The following TMCO4 variants were observed in gnomAD, a reference collection of about 807,000 sequenced individuals.
TMCO4 encodes transmembrane and coiled-coil domains 4.
A neutral mutation model predicts 64.7 loss-of-function variants in TMCO4; 58 were observed. The ratio of observed to expected loss-of-function variants is 0.90; its 90% CI spans 0.73 to 1.12. The LOEUF is 1.12. Among genes scored for constraint, TMCO4 ranks in the 50% most tolerant of loss-of-function variants. The probability of loss-of-function intolerance (pLI) is 0.00; values close to 1 mark genes in which losing one functional copy is unlikely to be tolerated. For missense variants in TMCO4, 780 were observed against 825.9 expected (o/e 0.94, Z 0.68); for synonymous variants, 325 against 346.1 (o/e 0.94, Z 0.68).
chr1:19,781,847 T>C (rs148504288), intron 3 of TMCO4, among the ~76,000 whole-genome samples: 3,785 of 152,128 alleles, frequency 0.025, 73 homozygotes, highest in Admixed American at 0.049. Context: ...GGGGTTTCAC[T>C]GTGTTAGCCA....
intron 14 of TMCO4, among the ~76,000 whole-genome samples, chr1:19,696,278 G>A (rs1297750399): frequency 1.2e-4 from 19 of 152,188 alleles, no homozygotes; most frequent in Admixed American, 6.5e-4. Context: ...TGCAGGGCGC[G>A]GTGGCTCACG....
Position 19,687,302 on chromosome 1 carries a change from G to T in TMCO4, c.1501-3858C>A, listed in dbSNP as rs1235975715. Among the ~76,000 whole-genome samples, 4 of 152,176 alleles carry T rather than the reference G, an allele frequency of 2.6e-5. No individual in the cohort carries two copies. In the East Asian group the frequency reaches 7.7e-4, roughly 29 times the overall value. ...GGGACTTCTTATGTTCTCCAGGCTGGTCTCAAACTCCTGGGCTCAAGAGAT... is the reference window on the plus strand; with the variant it reads ...GGGACTTCTTATGTTCTCCAGGCTGTTCTCAAACTCCTGGGCTCAAGAGAT... On this transcript the variant is annotated intron_variant, in intron 15 of 15. Coordinates refer to ENST00000294543, the MANE Select transcript of TMCO4 (RefSeq NM_181719.7).
Position 19,682,612 on chromosome 1 carries a change from C to T in TMCO4, c.*428G>A, listed in dbSNP as rs768647499. ...CAGCCCTGGAGTGTGGATGGAAGAACAGGCATGCACCTGGTTTTATTGAGG... is the reference window on the plus strand; with the variant it reads ...CAGCCCTGGAGTGTGGATGGAAGAATAGGCATGCACCTGGTTTTATTGAGG... On this transcript the variant is annotated 3_prime_UTR_variant, in exon 16 of 16. Transcript: ENST00000294543. 9 of 717,518 alleles carry T rather than the reference C, an allele frequency of 1.3e-5. No homozygotes were observed. The highest frequency in any genetic ancestry group is 1.8e-5 in the Non-Finnish European group (7 of 385,078). 44.4% of individuals were successfully genotyped at this position (717,518 alleles called of 1,614,324 possible).
rs1421454526 is a variant in TMCO4 at position 19,683,189 on chromosome 1, C to T, written c.1756G>A (p.Val586Ile). 1 of 1,614,274 alleles carries T rather than the reference C, an allele frequency of 6.2e-7. No homozygotes were observed. Among genetic ancestry groups the T allele is most frequent in the Non-Finnish European group, 8.5e-7 (1 of 1,180,052 alleles). Residue 586 changes from valine (V) to isoleucine (I), a missense_variant, in exon 16 of 16, where the codon GTA (valine) becomes ATA (isoleucine). Val to Ile is a conservative substitution (Grantham distance 29). Coordinates refer to ENST00000294543, the MANE Select transcript of TMCO4 (RefSeq NM_181719.7). ...STDPSQAQVP[V>I]GLDQSEGASL... ...GCCCCTTCAGACTGGTCCAGCCCTA[C>T]TGGCACCTGGGCTTGGCTGGGGTCT...
intron 6 of TMCO4, among the ~76,000 whole-genome samples, chr1:19,759,896 T>C (rs1226955680): frequency 6.6e-6 from 1 of 152,198 alleles, no homozygotes; most frequent in Non-Finnish European, 1.5e-5. Flanking sequence ...AGTTAGTAGG[T>C]GCATAGTTAA....
intron 12 of TMCO4, 118 bp downstream of exon 12, chr1:19,739,706 C>G (rs909437127): frequency 1.9e-5 from 28 of 1,467,494 alleles, no homozygotes; most frequent in African/African-American, 4.2e-5. Context: ...GCCCACACCC[C>G]CAAAACCATT....
At chr1:19,708,109 T>G (rs1198484840) in intron 13 of TMCO4, among the ~76,000 whole-genome samples, 1 of 152,102 alleles carries the variant, frequency 6.6e-6, no homozygotes, top group African/African-American at 2.4e-5. Context: ...ACAATTCTAC[T>G]CTGGGGGTTT....
intron 2 of TMCO4, among the ~76,000 whole-genome samples, chr1:19,793,616 G>A (rs1169355203): frequency 2.0e-5 from 3 of 152,188 alleles, no homozygotes; most frequent in South Asian, 2.1e-4. Context: ...CAGTTCCAAC[G>A]TAGAAGAACC....
At chr1:19,720,070 C>A (rs1423809241) in intron 13 of TMCO4, among the ~76,000 whole-genome samples, 1 of 142,042 alleles carries the variant, frequency 7.0e-6, no homozygotes, top group African/African-American at 2.6e-5. Flanking sequence ...GTCTTAAACT[C>A]CTAGGCTCAA....
At chr1:19,746,855 C>T (rs1432255570) in intron 8 of TMCO4, among the ~76,000 whole-genome samples, 3 of 139,810 alleles carry the variant, frequency 2.1e-5, no homozygotes, top group South Asian at 2.3e-4. Flanking sequence ...ACCTCGGAGG[C>T]GGAGCTTGCA....
chr1:19,757,452 G>A (rs2042316690), intron 6 of TMCO4, among the ~76,000 whole-genome samples: 1 of 152,024 alleles, frequency 6.6e-6, no homozygotes, highest in Admixed American at 6.6e-5. Context: ...GGCCTATCTG[G>A]AAAGCCCAGG....
At chr1:19,696,267 T>C (rs2095236215) in intron 14 of TMCO4, among the ~76,000 whole-genome samples, 1 of 152,180 alleles carries the variant, frequency 6.6e-6, no homozygotes, top group Non-Finnish European at 1.5e-5. Context: ...GAATGGACGG[T>C]TGCAGGGCGC....
chr1:19,762,730 CG>C (rs1463930632), intron 6 of TMCO4, among the ~76,000 whole-genome samples: 2 of 152,172 alleles, frequency 1.3e-5, no homozygotes, highest in Non-Finnish European at 2.9e-5. Context: ...AAATCAGGAG[CG>C]GGGGGCAGGA....
chr1:19,719,162 G>A (rs977446791), intron 13 of TMCO4, among the ~76,000 whole-genome samples: 2 of 152,178 alleles, frequency 1.3e-5, no homozygotes, highest in Non-Finnish European at 2.9e-5. Flanking sequence ...TTCTCCTCAT[G>A]GTCCGGGTTT....
In TMCO4 at chr1:19,745,633, C is replaced by A. The variant is rs767299062; in HGVS notation, c.776G>T (p.Arg259Leu). ...AGLTGYKMKK[R>L]VGAIEEFTFL... The stretch of plus-strand genomic sequence containing the variant: ...CGTGAACTCTTCAATGGCTCCCACT[C>A]GCTTCTTCATCTTGTATCCTAAAGA... The change falls in exon 10 of 16, where the codon CGA becomes CTA. Residue 259 changes from arginine to leucine, a missense_variant. Coordinates refer to ENST00000294543, the MANE Select transcript of TMCO4 (RefSeq NM_181719.7). 1 of 1,612,098 alleles carries A rather than the reference C, an allele frequency of 6.2e-7. No individual in the cohort carries two copies. The highest frequency in any genetic ancestry group is 1.3e-5 in the African/African-American group (1 of 75,004).
chr1:19,747,350 T>C, intron 7 of TMCO4, 90 bp from the exon 8 acceptor site: 15 of 1,105,912 alleles, frequency 1.4e-5, no homozygotes, highest in Non-Finnish European at 2.0e-5. Context: ...CAGGGGCCAA[T>C]GCTGGGTAGC....
At position 19,690,144 on chromosome 1, in the gene TMCO4, C is replaced by A. The variant is rs72965346; in HGVS notation, c.1500+4290G>T. Among the ~76,000 whole-genome samples the A allele has an allele frequency of 2.9e-3, 442 of 152,340 alleles. 2 individuals carry two copies. The highest frequency in any genetic ancestry group is 0.01 in the African/African-American group (426 of 41,586). Reference sequence around the variant, plus strand: ...CCCTCTCTGCAAAAAGCTGTTTCATCACTCAATAAAACTCCTCGCCTTGCT... The same window carrying A: ...CCCTCTCTGCAAAAAGCTGTTTCATAACTCAATAAAACTCCTCGCCTTGCT... On this transcript the variant is annotated intron_variant, in intron 15 of 15. Transcript: ENST00000294543.
At chr1:19,760,409 T>A (rs963100961) in intron 6 of TMCO4, among the ~76,000 whole-genome samples, 2 of 152,162 alleles carry the variant, frequency 1.3e-5, no homozygotes, top group African/African-American at 4.8e-5. Flanking sequence ...GAGTTATTTC[T>A]CCGTATCTTT....
chr1:19,763,141 T>C (rs113795874), intron 6 of TMCO4, among the ~76,000 whole-genome samples: 29 of 152,174 alleles, frequency 1.9e-4, no homozygotes, highest in African/African-American at 7.0e-4. Context: ...AGTGGCACGA[T>C]CTTGGCTCAC....
Sources: gnomAD v4.1 joint callset for allele counts (sites outside exome capture counted in the v4.1 genomes callset) on GRCh38, gnomAD v4.1.1 for gene constraint, MANE v1.5 for transcripts, NCBI Gene and HGNC (gene_info 2026-07-23, HGNC 2026-07-21) for gene names.